Variants in MCTP1 observed in about 807,000 individuals in gnomAD.
The protein encoded by MCTP1 is multiple C2 and transmembrane domain-containing protein 1.
A neutral mutation model predicts 120.6 loss-of-function variants in MCTP1; 69 were observed. The observed-to-expected ratio is 0.57, with a 90% CI of 0.47 to 0.70. The LOEUF (loss-of-function observed/expected upper bound fraction) is 0.70, where lower values mean the gene tolerates loss of function less well. Ranked by LOEUF, MCTP1 falls within the 30% of genes least tolerant of loss-of-function variation. The pLI is 0.00. For synonymous variants in MCTP1, 529 were observed against 493.1 expected, an observed-to-expected ratio of 1.07 and a Z score of -0.96; for missense variants, 1,203 against 1,248.8, an observed-to-expected ratio of 0.96 and a Z score of 0.55.
chr5:95,027,323 C>T (rs1482040030), intron 1 of MCTP1, among the ~76,000 whole-genome samples: 1 of 152,214 alleles, frequency 6.6e-6, no homozygotes, highest in African/African-American at 2.4e-5. Context: ...GCTGATTAGA[C>T]ATGAGCTGGG....
At chr5:95,184,102 C>G (rs1748924363) in intron 1 of MCTP1, among the ~76,000 whole-genome samples, 1 of 151,918 alleles carries the variant, frequency 6.6e-6, no homozygotes, top group Non-Finnish European at 1.5e-5. Flanking sequence ...CACATGTATA[C>G]CTATGTAACA....
chr5:95,061,371 ATGTACTTTCATATCAATTTT>A (rs1469725720), intron 1 of MCTP1, among the ~76,000 whole-genome samples: 5 of 138,998 alleles, frequency 3.6e-5, no homozygotes, highest in African/African-American at 1.3e-4. Flanking sequence ...TTTGTTTTCA[ATGTACTTTCATATCAATTTT>A]CACAAACCCC....
intron 1 of MCTP1, among the ~76,000 whole-genome samples, chr5:95,055,207 G>A (rs1257627767): frequency 6.6e-6 from 1 of 152,136 alleles, no homozygotes; most frequent in Non-Finnish European, 1.5e-5. Flanking sequence ...CCAATGGAGT[G>A]TTTCCTATTT....
chr5:94,760,397 A>C (rs755230579), intron 19 of MCTP1, among the ~76,000 whole-genome samples: 2 of 152,228 alleles, frequency 1.3e-5, no homozygotes, highest in Non-Finnish European at 2.9e-5. Flanking sequence ...ATACAATCTT[A>C]CATTATCAGA....
chr5:95,025,552 G>A (rs1243610646), intron 1 of MCTP1, among the ~76,000 whole-genome samples: 1 of 152,182 alleles, frequency 6.6e-6, no homozygotes, highest in East Asian at 1.9e-4. Context: ...GTCACTTACA[G>A]GAAAGTCAGA....
intron 17 of MCTP1, among the ~76,000 whole-genome samples, chr5:94,811,590 G>A (rs1320455416): frequency 6.6e-6 from 1 of 152,124 alleles, no homozygotes; most frequent in African/African-American, 2.4e-5. Context: ...GTCCAAATCT[G>A]TTTTCTTTTA....
At chr5:94,807,505 G>A (rs1016374386) in intron 17 of MCTP1, among the ~76,000 whole-genome samples, 2 of 152,142 alleles carry the variant, frequency 1.3e-5, no homozygotes, top group Non-Finnish European at 2.9e-5. Context: ...TTGAAGAGTA[G>A]GATAGTTAGA....
intron 2 of MCTP1, among the ~76,000 whole-genome samples, chr5:94,999,063 G>A (rs529554769): frequency 7.4e-4 from 112 of 152,134 alleles, no homozygotes; most frequent in Admixed American, 1.7e-3. Flanking sequence ...AACCACCTCC[G>A]TTATAGTTGC....
chr5:95,013,829 G>A (rs1309767748), intron 2 of MCTP1, among the ~76,000 whole-genome samples: 1 of 152,106 alleles, frequency 6.6e-6, no homozygotes, highest in Non-Finnish European at 1.5e-5. Context: ...CGATCAAGGA[G>A]TAATTTCTAC....
chr5:94,894,893 A>C, intron 10 of MCTP1, 58 bp from the exon 11 acceptor site: 1 of 1,087,466 alleles, frequency 9.2e-7, no homozygotes, highest in South Asian at 1.7e-5. Flanking sequence ...GCCATATCAA[A>C]CAGCTGTTCA....
intron 1 of MCTP1, among the ~76,000 whole-genome samples, chr5:95,239,043 A>G (rs1755873216): frequency 1.3e-5 from 2 of 152,150 alleles, no homozygotes. Context: ...GTACCACCCA[A>G]AACAGATTTT....
chr5:94,918,655 C>T (rs1430980794), intron 7 of MCTP1, among the ~76,000 whole-genome samples: 1 of 152,110 alleles, frequency 6.6e-6, no homozygotes, highest in Non-Finnish European at 1.5e-5. Flanking sequence ...TACAGGTCTT[C>T]TGGAGCAGTT....
At chr5:95,123,604 A>G (rs528319384) in intron 1 of MCTP1, among the ~76,000 whole-genome samples, 6 of 152,056 alleles carry the variant, frequency 3.9e-5, no homozygotes, top group East Asian at 1.9e-4. Context: ...AGCACAAGAT[A>G]TATACTTTGG....
chr5:94,974,705 G>T (rs1251856118), intron 2 of MCTP1, among the ~76,000 whole-genome samples: 1 of 151,326 alleles, frequency 6.6e-6, no homozygotes, highest in Non-Finnish European at 1.5e-5. Context: ...AAAATAACCA[G>T]ATCCTATAGA....
At chr5:94,966,965 T>C (rs1287520071) in intron 2 of MCTP1, among the ~76,000 whole-genome samples, 4 of 152,214 alleles carry the variant, frequency 2.6e-5, no homozygotes, top group African/African-American at 9.7e-5. Context: ...CTAGGAATGA[T>C]CATTTTACAA....
intron 1 of MCTP1, among the ~76,000 whole-genome samples, chr5:95,067,562 A>C (rs1217342561): frequency 6.6e-6 from 1 of 152,160 alleles, no homozygotes; most frequent in African/African-American, 2.4e-5. Flanking sequence ...ATTTCTAAAC[A>C]GAAATAAACT....
chr5:94,767,575 C>T (rs762302477), intron 19 of MCTP1, among the ~76,000 whole-genome samples: 1 of 152,056 alleles, frequency 6.6e-6, no homozygotes, highest in African/African-American at 2.4e-5. Context: ...TTGTAGGATG[C>T]AAAATCAACA....
At chr5:95,034,703 C>A (rs944338405) in intron 1 of MCTP1, among the ~76,000 whole-genome samples, 5 of 151,828 alleles carry the variant, frequency 3.3e-5, no homozygotes, top group African/African-American at 1.2e-4. Flanking sequence ...GCAAATGCAA[C>A]AAAAACAAAA....
intron 2 of MCTP1, among the ~76,000 whole-genome samples, chr5:95,004,989 T>C (rs920965733): frequency 6.6e-6 from 1 of 152,154 alleles, no homozygotes; most frequent in African/African-American, 2.4e-5. Context: ...CAACACCAAC[T>C]GGTGAAAACC....
Sources: gnomAD v4.1 joint callset for allele counts (sites outside exome capture counted in the v4.1 genomes callset) on GRCh38, gnomAD v4.1.1 for gene constraint, MANE v1.5 for transcripts, NCBI Gene and HGNC (gene_info 2026-07-23, HGNC 2026-07-21) for gene names.